Variants in PRDM2 observed in about 807,000 individuals in gnomAD.
PRDM2 encodes PR/SET domain 2, also known as PR domain zinc finger protein 2.
PRDM2 carries 30 observed loss-of-function variants against 130.0 expected under a neutral mutation model. The ratio of observed to expected loss-of-function variants is 0.23; its 90% CI spans 0.17 to 0.31. PRDM2 has a LOEUF of 0.31. Ranked by LOEUF, PRDM2 falls within the 10% of genes least tolerant of loss-of-function variation. PRDM2 has a pLI of 1.00. For synonymous variants in PRDM2, 871 were observed against 782.4 expected, an observed-to-expected ratio of 1.11 and a Z score of -1.89; for missense variants, 2,011 against 2,108.4, an observed-to-expected ratio of 0.95 and a Z score of 0.90.
intron 2 of PRDM2, among the ~76,000 whole-genome samples, chr1:13,729,798 T>C (rs1643043746): frequency 6.6e-6 from 1 of 152,192 alleles, no homozygotes; most frequent in Admixed American, 6.5e-5. Context: ...GAGACAAACC[T>C]GTCTCTAGAT....
intron 1 of PRDM2, among the ~76,000 whole-genome samples, chr1:13,703,268 A>C (rs756978909): frequency 5.3e-5 from 8 of 152,178 alleles, no homozygotes; most frequent in Non-Finnish European, 1.0e-4. Flanking sequence ...GATCCTGTAC[A>C]CTGTAGGATG....
At chr1:13,789,217 T>C (rs150224518) in intron 8 of PRDM2, among the ~76,000 whole-genome samples, 5 of 152,212 alleles carry the variant, frequency 3.3e-5, no homozygotes, top group African/African-American at 1.2e-4. Flanking sequence ...TTTTAAAAAA[T>C]CAAAAGCTAA....
chr1:13,755,328 A>G (rs966659382), intron 6 of PRDM2, among the ~76,000 whole-genome samples: 9 of 152,332 alleles, frequency 5.9e-5, no homozygotes, highest in South Asian at 2.1e-4. Flanking sequence ...ATCCTAACAT[A>G]TGCCATGATT....
chr1:13,717,481 T>C (rs952571544), intron 2 of PRDM2: 14 of 954,994 alleles, frequency 1.5e-5, no homozygotes, highest in Non-Finnish European at 1.7e-5. Flanking sequence ...TGCATCGCTG[T>C]TCAGAAATCA....
intron 8 of PRDM2, chr1:13,786,756 A>G (rs967406278): frequency 7.2e-7 from 1 of 1,389,194 alleles, no homozygotes; most frequent in African/African-American, 1.5e-5. Flanking sequence ...TTGAGATCCA[A>G]AGAGAAGGGC....
At position 13,700,269 on chromosome 1, in the gene PRDM2, G is replaced by C. The variant is rs1642024727; in HGVS notation, c.-97G>C. ...AACAGCGGCGGCGGCGGCGGCCCTC[G>C]GTGCTCTGAGGCGCTGGCGCGGCGG... On this transcript the variant is annotated 5_prime_UTR_variant, in exon 1 of 10. Transcript: ENST00000311066. 6.7e-6 allele frequency: 1 copy of C among 150,348 alleles called. No homozygotes were observed. The highest frequency in any genetic ancestry group is 1.8e-4 in the South Asian group (1 of 5,664). 9.3% of individuals were successfully genotyped at this position (150,348 alleles called of 1,614,324 possible). A position where few individuals can be genotyped will look rare whatever the true frequency, so the allele number is the denominator to read the frequency against.
At position 13,743,540 on chromosome 1, in the gene PRDM2, T is replaced by C. The variant is rs191645900; in HGVS notation, c.384+1383T>C. Among the ~76,000 whole-genome samples, 71 of 152,044 alleles carry C rather than the reference T, an allele frequency of 4.7e-4. 1 individual carries two copies. Among genetic ancestry groups the C allele is most frequent in the African/African-American group, 1.5e-3 (62 of 41,564 alleles). ...GCAAAATTGCTATAAGGCAAGTTTC[T>C]CTTTATTCACTTACTTCCATTAAAA... On this transcript the variant is annotated intron_variant, in intron 5 of 9. Transcript: ENST00000311066.
chr1:13,750,741 C>T (rs892055230), intron 6 of PRDM2, among the ~76,000 whole-genome samples: 2 of 151,226 alleles, frequency 1.3e-5, no homozygotes, highest in African/African-American at 4.9e-5. Flanking sequence ...TGCTTTTGAT[C>T]CTGAATCAGA....
chr1:13,778,671 G>C lies in PRDM2; in HGVS notation c.876G>C (p.Glu292Asp), dbSNP rs1274080685. The C allele has an allele frequency of 5.0e-6, 8 of 1,614,176 alleles. No homozygotes were observed. Among genetic ancestry groups the C allele is most frequent in the Non-Finnish European group, 6.8e-6 (8 of 1,180,012 alleles). Residue 292 changes from glutamate to aspartate, a missense_variant, in exon 8 of 10, where the codon GAG (glutamate) becomes GAC (aspartate). Physicochemically the swap from Glu to Asp is conservative, Grantham distance 45 (BLOSUM62 2). Coordinates refer to ENST00000311066, the MANE Select transcript of PRDM2 (RefSeq NM_001393986.1). ...EDDDDDELED[E>D]GEEEASMPNE... The stretch of plus-strand genomic sequence containing the variant: ...ATGATGATGATGAGTTGGAAGACGA[G>C]GGGGAAGAAGAAGCCAGCATGCCAA...
chr1:13,762,233 G>C (rs955947376), intron 6 of PRDM2, among the ~76,000 whole-genome samples: 6 of 152,202 alleles, frequency 3.9e-5, no homozygotes, highest in Admixed American at 6.5e-5. Flanking sequence ...CATCTGCCTC[G>C]AATGGGATTA....
At chr1:13,774,481 G>A (rs1236196837) in intron 7 of PRDM2, among the ~76,000 whole-genome samples, 1 of 152,312 alleles carries the variant, frequency 6.6e-6, no homozygotes, top group Non-Finnish European at 1.5e-5. Context: ...GAATAGTCAA[G>A]TTCATTTCCC....
chr1:13,766,087 G>A (rs1355323535), intron 6 of PRDM2, among the ~76,000 whole-genome samples: 2 of 152,184 alleles, frequency 1.3e-5, no homozygotes, highest in African/African-American at 4.8e-5. Context: ...TGACGGAGAT[G>A]ACCTTCAAGG....
Position 13,773,106 on chromosome 1 carries a change from C to T in PRDM2, c.540C>T (p.Asn180=). 2 of 1,548,118 alleles carry T rather than the reference C, an allele frequency of 1.3e-6. No homozygotes were observed. The highest frequency in any genetic ancestry group is 8.7e-7 in the Non-Finnish European group (1 of 1,152,328). The change falls in exon 7 of 10, where the codon AAC becomes AAT. Residue 180 remains asparagine (N), a synonymous_variant. Coordinates refer to ENST00000311066, the MANE Select transcript of PRDM2 (RefSeq NM_001393986.1). ...AGAAAAAATCCCAGGAAAATAAAAA[C>T]AAAGGAAACAAAATCCAAGACATAC... ...KGKKKSQENK[N]KGNKIQDIQL... is the part of the protein sequence containing the mutation.
chr1:13,769,246 A>G (rs1402376722), intron 6 of PRDM2: 34 of 806,968 alleles, frequency 4.2e-5, no homozygotes, highest in Middle Eastern at 1.2e-3. Flanking sequence ...GAAGCTCACA[A>G]ATGCCATCTC....
At chr1:13,745,191 A>G (rs1643565143) in intron 5 of PRDM2, among the ~76,000 whole-genome samples, 1 of 152,078 alleles carries the variant, frequency 6.6e-6, no homozygotes, top group South Asian at 2.1e-4. Flanking sequence ...AGTAAATAAG[A>G]AAGTAATTTC....
intron 4 of PRDM2, among the ~76,000 whole-genome samples, chr1:13,735,735 G>C (rs1368761709): frequency 6.6e-6 from 1 of 152,112 alleles, no homozygotes; most frequent in African/African-American, 2.4e-5. Flanking sequence ...ATTACCCAAA[G>C]TCCATAGTTT....
At chr1:13,757,748 G>A (rs1643992169) in intron 6 of PRDM2, among the ~76,000 whole-genome samples, 1 of 132,282 alleles carries the variant, frequency 7.6e-6, no homozygotes, top group South Asian at 2.5e-4. Context: ...TATTTGTTTT[G>A]CCAAAATGTT....
chr1:13,776,743 G>A (rs1370027967), intron 7 of PRDM2, among the ~76,000 whole-genome samples: 1 of 152,150 alleles, frequency 6.6e-6, no homozygotes, highest in East Asian at 1.9e-4. Flanking sequence ...CCTCCTTGAA[G>A]CAGTTTCTTT....
chr1:13,793,967 C>G (rs1036918697), intron 8 of PRDM2, among the ~76,000 whole-genome samples: 3 of 152,208 alleles, frequency 2.0e-5, no homozygotes, highest in South Asian at 2.1e-4. Flanking sequence ...ATCCCTGGAG[C>G]CTTTCTCAGT....
Sources: allele counts gnomAD v4.1 joint callset (sites outside exome capture counted in the v4.1 genomes callset), GRCh38; gene constraint gnomAD v4.1.1; transcripts MANE v1.5; gene names NCBI Gene and HGNC (gene_info 2026-07-23, HGNC 2026-07-21).